LRRC4C: variants seen among roughly 807,000 people sequenced by gnomAD.
The protein encoded by LRRC4C is leucine-rich repeat-containing protein 4C.
LRRC4C carries 5 observed loss-of-function variants against 33.6 expected under a neutral mutation model. The observed-to-expected ratio is 0.15, with a 90% CI of 0.08 to 0.31. The LOEUF (loss-of-function observed/expected upper bound fraction) is 0.31, where lower values mean the gene tolerates loss of function less well. Ranked by LOEUF, LRRC4C falls within the 10% of genes least tolerant of loss-of-function variation. LRRC4C has a pLI of 1.00. For missense variants in LRRC4C, 560 were observed against 796.7 expected (o/e 0.70, Z 3.58); for synonymous variants, 329 against 302.0 (o/e 1.09, Z -0.93).
intron 3 of LRRC4C, among the ~76,000 whole-genome samples, chr11:40,582,522 T>G (rs1411237497): frequency 1.1e-4 from 17 of 149,842 alleles, no homozygotes; most frequent in Admixed American, 1.1e-3. Flanking sequence ...AGTTTTTTTT[T>G]TTTTTTTTTT....
At chr11:40,619,421 A>G (rs1962208939) in intron 3 of LRRC4C, among the ~76,000 whole-genome samples, 1 of 151,644 alleles carries the variant, frequency 6.6e-6, no homozygotes, top group Non-Finnish European at 1.5e-5. Context: ...ATAAATATAT[A>G]CACCTACTAT....
chr11:41,377,176 T>G (rs79203863), intron 1 of LRRC4C, among the ~76,000 whole-genome samples: 2,551 of 152,272 alleles, frequency 0.017, 69 homozygotes, highest in African/African-American at 0.059. Flanking sequence ...TCTTCAATTG[T>G]CCTCCCTTTA....
intron 1 of LRRC4C, among the ~76,000 whole-genome samples, chr11:41,230,984 A>G (rs1947765688): frequency 6.6e-6 from 1 of 152,126 alleles, no homozygotes; most frequent in South Asian, 2.1e-4. Flanking sequence ...AAAAGAAGAC[A>G]TTTATGCAAC....
chr11:40,697,339 C>A (rs765948836), intron 2 of LRRC4C, among the ~76,000 whole-genome samples: 1 of 151,894 alleles, frequency 6.6e-6, no homozygotes, highest in African/African-American at 2.4e-5. Flanking sequence ...AGACTCAAAG[C>A]GCAAGGAGGC....
At chr11:40,202,799 C>T (rs10837366) in intron 5 of LRRC4C, among the ~76,000 whole-genome samples, 89,159 of 151,826 alleles carry the variant, frequency 0.59, 26,333 homozygotes, top group East Asian at 0.75. Context: ...GGCCATTTAA[C>T]GGGGAAGCTG....
intron 3 of LRRC4C, among the ~76,000 whole-genome samples, chr11:40,479,567 T>C (rs796486004): frequency 2.2e-4 from 34 of 152,266 alleles, no homozygotes; most frequent in African/African-American, 7.5e-4. Context: ...AATTCATCCA[T>C]GATAAAATGA....
intron 3 of LRRC4C, among the ~76,000 whole-genome samples, chr11:40,441,573 T>G (rs1951397575): frequency 6.6e-6 from 1 of 152,230 alleles, no homozygotes; most frequent in African/African-American, 2.4e-5. Flanking sequence ...TATTTGTGGA[T>G]TTTTCTTTCT....
In LRRC4C at chr11:40,115,873, C is replaced by T. The variant is rs142752772; in HGVS notation, c.420G>A (p.Pro140=). Residue 140 remains proline (P), a synonymous_variant, in exon 7 of 7, where the codon CCG becomes CCA. Coordinates refer to ENST00000528697, the MANE Select transcript of LRRC4C (RefSeq NM_001258419.2). The surrounding 1 kb of genome is among the most constrained non-coding windows in gnomAD (Gnocchi z 6.7). Reference sequence around the variant, plus strand: ...TAGACAAGTATACAAAAGCTCCATTCGGGATGGTAGTAAGACGATTGTCAA... The same window carrying T: ...TAGACAAGTATACAAAAGCTCCATTTGGGATGGTAGTAAGACGATTGTCAA... ...ELFDNRLTTI[P]NGAFVYLSKL... is the part of the protein sequence containing the mutation. The T allele has an allele frequency of 1.2e-4, 197 of 1,614,102 alleles. No homozygotes were observed. The African/African-American group carries it at 2.1e-3, about 17-fold the overall frequency.
intron 3 of LRRC4C, among the ~76,000 whole-genome samples, chr11:40,441,656 C>T (rs1565391978): frequency 6.6e-6 from 1 of 152,182 alleles, no homozygotes. Flanking sequence ...CAGAATACCT[C>T]ATTTCAAAAT....
At chr11:40,427,058 G>T (rs1409997016) in intron 3 of LRRC4C, among the ~76,000 whole-genome samples, 2 of 152,106 alleles carry the variant, frequency 1.3e-5, no homozygotes, top group African/African-American at 4.8e-5. Flanking sequence ...TAAAAACATG[G>T]CAGTATGTAT....
chr11:40,273,085 G>A (rs1290124418), intron 4 of LRRC4C, among the ~76,000 whole-genome samples: 2 of 152,056 alleles, frequency 1.3e-5, no homozygotes, highest in Non-Finnish European at 2.9e-5. Context: ...GATAAATTAA[G>A]TCTTGCTTTA....
At chr11:41,238,091 C>T (rs11036301) in intron 1 of LRRC4C, among the ~76,000 whole-genome samples, 3,569 of 152,210 alleles carry the variant, frequency 0.023, 62 homozygotes, top group Non-Finnish European at 0.035. Flanking sequence ...TTAAACTCTG[C>T]TAATTTTCTA....
chr11:41,361,236 G>T (rs1952344584), intron 1 of LRRC4C, among the ~76,000 whole-genome samples: 1 of 152,078 alleles, frequency 6.6e-6, no homozygotes, highest in Non-Finnish European at 1.5e-5. Flanking sequence ...AAACACTTTG[G>T]CTTTACCTTG....
At chr11:40,786,909 C>A (rs779808552) in intron 2 of LRRC4C, among the ~76,000 whole-genome samples, 1 of 151,910 alleles carries the variant, frequency 6.6e-6, no homozygotes, top group Non-Finnish European at 1.5e-5. Flanking sequence ...TTTAAACTGG[C>A]GCACTCACTA....
chr11:40,598,297 A>T (rs1345928663), intron 3 of LRRC4C, among the ~76,000 whole-genome samples: 1 of 152,200 alleles, frequency 6.6e-6, no homozygotes, highest in African/African-American at 2.4e-5. Context: ...AACCAAACAA[A>T]CAAAGAGCCT....
chr11:40,643,088 G>T (rs955891210), intron 3 of LRRC4C, among the ~76,000 whole-genome samples: 2 of 152,148 alleles, frequency 1.3e-5, no homozygotes, highest in Admixed American at 6.5e-5. Flanking sequence ...ATGACATGGT[G>T]GTGAGTTCCT....
At position 40,234,580 on chromosome 11, in the gene LRRC4C, G is replaced by A. The variant is rs527283280; in HGVS notation, c.-96+6939C>T. ...GCCTAGGAGTTCTAGAGCAGCCTGGGTGACATAGTGAGACCCCATCTCTAC... is the reference window on the plus strand; with the variant it reads ...GCCTAGGAGTTCTAGAGCAGCCTGGATGACATAGTGAGACCCCATCTCTAC... On this transcript the variant is annotated intron_variant, in intron 5 of 6. Transcript: ENST00000528697. Among the ~76,000 whole-genome samples the A allele has an allele frequency of 3.3e-4, 51 of 152,256 alleles. 1 individual carries two copies. The South Asian group carries it at 0.011, about 32-fold the overall frequency.
chr11:40,283,595 A>G (rs79573315), intron 4 of LRRC4C, among the ~76,000 whole-genome samples: 5,550 of 151,116 alleles, frequency 0.037, 340 homozygotes, highest in African/African-American at 0.12. Flanking sequence ...AGATCAGGCC[A>G]CTCATTTATT....
At chr11:40,412,144 A>G in intron 3 of LRRC4C, among the ~76,000 whole-genome samples, 1 of 152,054 alleles carries the variant, frequency 6.6e-6, no homozygotes, top group Admixed American at 6.6e-5. Context: ...AGGCCTCACA[A>G]AAGAAACTTT....
Sources: gnomAD v4.1 joint callset for allele counts (sites outside exome capture counted in the v4.1 genomes callset) on GRCh38, gnomAD v4.1.1 for gene constraint, Gnocchi (gnomAD v3.1) non-coding constraint, MANE v1.5 for transcripts, NCBI Gene and HGNC (gene_info 2026-07-23, HGNC 2026-07-21) for gene names.